The following ALCAM variants were observed in gnomAD, a reference collection of about 807,000 sequenced individuals.
ALCAM encodes activated leukocyte cell adhesion molecule.
In ALCAM, 30 loss-of-function variants were observed where a neutral mutation model predicts 70.9. The ratio of observed to expected loss-of-function variants is 0.42; its 90% confidence interval spans 0.32 to 0.57. The LOEUF (loss-of-function observed/expected upper bound fraction) is 0.57. Among genes scored for constraint, ALCAM ranks in the 20% least tolerant of loss-of-function variants. The pLI is 0.11. For missense variants in ALCAM, 591 were observed against 695.1 expected (o/e 0.85, Z 1.68); for synonymous variants, 249 against 242.5 (o/e 1.03, Z -0.25).
chr3:105,509,320 T>C (rs2152619214), intron 1 of ALCAM, among the ~76,000 whole-genome samples: 1 of 152,208 alleles, frequency 6.6e-6, no homozygotes, highest in Non-Finnish European at 1.5e-5. Context: ...CCAATTTACA[T>C]TGCCACCAAG....
chr3:105,381,619 T>C (rs186390945), intron 1 of ALCAM, among the ~76,000 whole-genome samples: 12 of 152,026 alleles, frequency 7.9e-5, no homozygotes, highest in African/African-American at 2.9e-4. Context: ...TTGCAGCCTA[T>C]AGTTTACAGT....
At chr3:105,372,184 A>G (rs1935252519) in intron 1 of ALCAM, among the ~76,000 whole-genome samples, 1 of 152,092 alleles carries the variant, frequency 6.6e-6, no homozygotes, top group Non-Finnish European at 1.5e-5. Flanking sequence ...ACTAAAATAG[A>G]TATTCTATAT....
At chr3:105,517,905 TTCTGGAG>T (rs1158366462) in intron 1 of ALCAM, among the ~76,000 whole-genome samples, 2 of 152,232 alleles carry the variant, frequency 1.3e-5, no homozygotes, top group African/African-American at 4.8e-5. Context: ...TAGGCGTTGT[TTCTGGAG>T]ATACAAAGCT....
intron 1 of ALCAM, among the ~76,000 whole-genome samples, chr3:105,489,156 G>A (rs1243033404): frequency 6.6e-6 from 1 of 152,172 alleles, no homozygotes; most frequent in Admixed American, 6.6e-5. Context: ...GTTCATCCCT[G>A]AAGAGTTTTC....
chr3:105,563,371 C>CT (rs61295473), intron 14 of ALCAM, among the ~76,000 whole-genome samples: 146,080 of 151,548 alleles, frequency 0.96, 70,606 homozygotes, highest in East Asian at 1. Flanking sequence ...TAACTTTTTG[C>CT]TTTTTTTATC....
At chr3:105,489,718 A>G (rs1444950870) in intron 1 of ALCAM, among the ~76,000 whole-genome samples, 1 of 152,260 alleles carries the variant, frequency 6.6e-6, no homozygotes, top group Non-Finnish European at 1.5e-5. Flanking sequence ...GGAAAAATAC[A>G]TAGCAGAGGT....
intron 2 of ALCAM, among the ~76,000 whole-genome samples, chr3:105,523,139 C>CAAAAAAAAAA (rs59478384): frequency 4.6e-5 from 4 of 87,016 alleles, no homozygotes; most frequent in Admixed American, 1.6e-4. Flanking sequence ...GACTCCGTCT[C>CAAAAAAAAAA]AAAAAAAAAA....
At chr3:105,507,414 T>C (rs560308002) in intron 1 of ALCAM, among the ~76,000 whole-genome samples, 1 of 152,304 alleles carries the variant, frequency 6.6e-6, no homozygotes, top group East Asian at 1.9e-4. Flanking sequence ...CTGTTCTCCG[T>C]CTATTCATTC....
intron 4 of ALCAM, among the ~76,000 whole-genome samples, chr3:105,532,533 TA>T (rs1939864763): frequency 1.3e-5 from 2 of 152,064 alleles, no homozygotes; most frequent in Non-Finnish European, 2.9e-5. Flanking sequence ...TGCTTGAGCC[TA>T]GGAGGTCAAA....
At chr3:105,489,074 T>G (rs1938509931) in intron 1 of ALCAM, among the ~76,000 whole-genome samples, 1 of 152,170 alleles carries the variant, frequency 6.6e-6, no homozygotes, top group Non-Finnish European at 1.5e-5. Flanking sequence ...GAAGGTGGAC[T>G]GAAGAGTATT....
chr3:105,446,758 A>G (rs1473381343), intron 1 of ALCAM, among the ~76,000 whole-genome samples: 2 of 152,084 alleles, frequency 1.3e-5, no homozygotes, highest in African/African-American at 4.8e-5. Context: ...AGACAAAGAA[A>G]GACAAAGGCC....
At chr3:105,559,175 TTA>T (rs1444637353) in intron 14 of ALCAM, among the ~76,000 whole-genome samples, 1 of 148,082 alleles carries the variant, frequency 6.8e-6, no homozygotes, top group Non-Finnish European at 1.5e-5. Context: ...TGTATATATA[TTA>T]TATATACATG....
intron 14 of ALCAM, among the ~76,000 whole-genome samples, chr3:105,557,510 C>T (rs1940544924): frequency 6.6e-6 from 1 of 152,034 alleles, no homozygotes; most frequent in Admixed American, 6.6e-5. Flanking sequence ...AATCCCCTCT[C>T]TATATATTCG....
chr3:105,415,545 A>C (rs1337599406), intron 1 of ALCAM, among the ~76,000 whole-genome samples: 1 of 152,144 alleles, frequency 6.6e-6, no homozygotes, highest in Non-Finnish European at 1.5e-5. Context: ...AGCCAAAGAA[A>C]CATTTATTGG....
intron 1 of ALCAM, among the ~76,000 whole-genome samples, chr3:105,489,491 C>T (rs963085349): frequency 6.6e-6 from 1 of 152,062 alleles, no homozygotes. Context: ...CTCTTAAATA[C>T]AGGACAATAG....
At chr3:105,495,619 G>A (rs1420180576) in intron 1 of ALCAM, among the ~76,000 whole-genome samples, 3 of 152,284 alleles carry the variant, frequency 2.0e-5, no homozygotes, top group African/African-American at 7.2e-5. Context: ...TGAAGAACCT[G>A]AGGTTGTACT....
intron 1 of ALCAM, among the ~76,000 whole-genome samples, chr3:105,405,919 A>G (rs1399055208): frequency 1.3e-5 from 2 of 152,216 alleles, no homozygotes; most frequent in Non-Finnish European, 2.9e-5. Context: ...TCACAGCCCC[A>G]TAATGAGATG....
chr3:105,426,153 G>A (rs1428128014), intron 1 of ALCAM, among the ~76,000 whole-genome samples: 1 of 151,824 alleles, frequency 6.6e-6, no homozygotes, highest in African/African-American at 2.4e-5. Flanking sequence ...TTAACTTGCT[G>A]AGTGACCTAG....
chr3:105,487,625 T>G (rs1938469006), intron 1 of ALCAM, among the ~76,000 whole-genome samples: 1 of 152,162 alleles, frequency 6.6e-6, no homozygotes, highest in African/African-American at 2.4e-5. Flanking sequence ...TTCTTTTTCT[T>G]TCACCAGAAA....
Sources: allele counts gnomAD v4.1 joint callset (sites outside exome capture counted in the v4.1 genomes callset), GRCh38; gene constraint gnomAD v4.1.1; transcripts MANE v1.5; gene names NCBI Gene and HGNC (gene_info 2026-07-23, HGNC 2026-07-21).